Variants in PRELID3A observed in about 807,000 individuals in gnomAD.
The protein encoded by PRELID3A is PRELI domain containing protein 3A.
PRELID3A carries 27 observed loss-of-function variants against 23.0 expected under a neutral mutation model. The observed-to-expected ratio is 1.17, with a 90% CI of 0.87 to 1.62. The LOEUF (loss-of-function observed/expected upper bound fraction) is 1.62, where lower values mean the gene tolerates loss of function less well. PRELID3A is among the 40% of genes most tolerant of loss of function. PRELID3A has a pLI of 0.00. For synonymous variants in PRELID3A, 87 were observed against 86.4 expected, an observed-to-expected ratio of 1.01 and a Z score of -0.04; for missense variants, 231 against 231.4, an observed-to-expected ratio of 1.00 and a Z score of 0.01.
At chr18:12,428,743 A>G (rs2030457957) in intron 5 of PRELID3A, among the ~76,000 whole-genome samples, 1 of 152,222 alleles carries the variant, frequency 6.6e-6, no homozygotes, top group African/African-American at 2.4e-5. Context: ...GATCTCACCC[A>G]TCGTTGTTTC....
chr18:12,422,612 C>T (rs143321033), intron 3 of PRELID3A, among the ~76,000 whole-genome samples: 37 of 152,240 alleles, frequency 2.4e-4, no homozygotes, highest in African/African-American at 7.9e-4. Context: ...CCGCCTCAGC[C>T]TCCCAAAGTA....
chr18:12,426,710 A>G (rs572483261), intron 3 of PRELID3A, among the ~76,000 whole-genome samples: 1 of 152,202 alleles, frequency 6.6e-6, no homozygotes, highest in East Asian at 1.9e-4. Context: ...TGGGTAGGTG[A>G]AAAGCTTTCT....
intron 5 of PRELID3A, among the ~76,000 whole-genome samples, chr18:12,428,079 A>G (rs899220529): frequency 6.6e-6 from 1 of 152,228 alleles, no homozygotes; most frequent in Non-Finnish European, 1.5e-5. Flanking sequence ...GAACCTCTCC[A>G]GCAGTGACGC....
At chr18:12,414,182 T>G (rs2143331822) in intron 1 of PRELID3A, among the ~76,000 whole-genome samples, 1 of 151,368 alleles carries the variant, frequency 6.6e-6, no homozygotes, top group South Asian at 2.1e-4. Flanking sequence ...GGGCTTCTGG[T>G]GCACTTCTGT....
intron 2 of PRELID3A, 39 bp from the exon 3 acceptor site, chr18:12,421,501 T>G: frequency 7.8e-7 from 1 of 1,286,266 alleles, no homozygotes; most frequent in Non-Finnish European, 1.1e-6. Context: ...AAGTAGAATT[T>G]TTAACGTTCC....
rs775153295 is a variant in PRELID3A, at chr18:12,411,301, TAAAA to T, written c.32+3306_32+3309del. Among the ~76,000 whole-genome samples, 3 of 132,262 alleles carry T rather than the reference TAAAA, an allele frequency of 2.3e-5. No individual in the cohort carries two copies. The South Asian group carries it at 7.2e-4, about 32-fold the overall frequency. The allele number at this position is 132,262 out of a possible 152,430, so 86.8% of individuals were successfully genotyped here. A position where few individuals can be genotyped will look rare whatever the true frequency, so the allele number is the denominator to read the frequency against. The stretch of plus-strand genomic sequence containing the variant: ...ATGAAACCCTGTCTCTACTAAAAAA[TAAAA>T]AAAAAAAAAAATTAGCTGGGCGTGG... On this transcript the variant is annotated intron_variant, in intron 1 of 6. Transcript: ENST00000440960.
chr18:12,418,173 T>C (rs1212226059), intron 1 of PRELID3A, among the ~76,000 whole-genome samples: 2 of 152,212 alleles, frequency 1.3e-5, no homozygotes, highest in Non-Finnish European at 2.9e-5. Flanking sequence ...ATTTGGAAAT[T>C]TCATTTCTAC....
chr18:12,421,114 C>T (rs951331372), intron 2 of PRELID3A, among the ~76,000 whole-genome samples: 1 of 152,112 alleles, frequency 6.6e-6, no homozygotes, highest in East Asian at 1.9e-4. Context: ...CCTCCACCTG[C>T]AGTCCACACC....
chr18:12,429,315 G>A lies in PRELID3A; in HGVS notation c.466-35G>A, dbSNP rs761809667. 2.6e-5 allele frequency: 42 copies of A among 1,604,092 alleles called. No homozygotes were observed. In the South Asian group the frequency reaches 3.3e-4, roughly 13 times the overall value. On this transcript the variant is annotated intron_variant, in intron 5 of 6. Transcript: ENST00000440960. Reference sequence around the variant, plus strand: ...TGCTGTCTGCAGCGGGAGGCGGGACGACCCACTCAGTGCTGAAATCTTTCT... The same window carrying A: ...TGCTGTCTGCAGCGGGAGGCGGGACAACCCACTCAGTGCTGAAATCTTTCT...
At chr18:12,418,910 T>C (rs2030046087) in intron 1 of PRELID3A, among the ~76,000 whole-genome samples, 1 of 152,164 alleles carries the variant, frequency 6.6e-6, no homozygotes, top group African/African-American at 2.4e-5. Context: ...AAGGGGAGGC[T>C]GAGTGCGGTG....
chr18:12,419,964 CTGTAG>C lies in PRELID3A; in HGVS notation c.33-359_33-355del, dbSNP rs532750688. 1.2e-3 allele frequency: 353 copies of C among 296,400 alleles called. 3 individuals are homozygous for C. Among genetic ancestry groups the C allele is most frequent in the African/African-American group, 7.4e-3 (338 of 45,560 alleles). The allele number at this position is 296,400 out of a possible 1,614,324, so 18.4% of individuals were successfully genotyped here. On this transcript the variant is annotated intron_variant, in intron 1 of 6. Transcript: ENST00000440960. ...GTCATTCAGGTTTGGTGGCACACGCCTGTAGTCCCAGCTACTGGAGGTGGGGCAAG... is the reference window on the plus strand; with the variant it reads ...GTCATTCAGGTTTGGTGGCACACGCCTCCCAGCTACTGGAGGTGGGGCAAG...
chr18:12,408,872 C>T (rs774862409), intron 1 of PRELID3A, among the ~76,000 whole-genome samples: 1 of 151,958 alleles, frequency 6.6e-6, no homozygotes, highest in South Asian at 2.1e-4. Context: ...ATGCATGTAA[C>T]GAAATTGCAC....
intron 1 of PRELID3A, 111 bp from the exon 2 acceptor site, chr18:12,420,214 A>G: frequency 6.9e-7 from 1 of 1,453,802 alleles, no homozygotes; most frequent in Non-Finnish European, 9.1e-7. Flanking sequence ...GCCTTTCATT[A>G]AAGTGAAGAG....
At chr18:12,410,268 C>T (rs964043400) in intron 1 of PRELID3A, among the ~76,000 whole-genome samples, 2 of 152,244 alleles carry the variant, frequency 1.3e-5, no homozygotes, top group Non-Finnish European at 2.9e-5. Context: ...ACATGGAGAT[C>T]AGATGTCCTT....
In PRELID3A at chr18:12,414,955, G is replaced by A. The variant is rs575968233; in HGVS notation, c.33-5370G>A. ...TTTTTCTTTCTTTTTTTTAGAGACG[G>A]TCTTGCTCTGTTGCCCAGGCTGGAG... is the stretch of plus-strand genomic sequence containing the variant. On this transcript the variant is annotated intron_variant, in intron 1 of 6. Transcript: ENST00000440960. Among the ~76,000 whole-genome samples the A allele has an allele frequency of 2.6e-5, 4 of 151,898 alleles. No individual in the cohort carries two copies. The South Asian group carries it at 8.3e-4, about 32-fold the overall frequency.
Position 12,420,496 on chromosome 18 carries a change from G to C in PRELID3A, c.201+3G>C. The C allele has an allele frequency of 2.6e-6, 4 of 1,528,888 alleles. No homozygotes were observed. The highest frequency in any genetic ancestry group is 3.5e-6 in the Non-Finnish European group (4 of 1,137,036). The allele number at this position is 1,528,888 out of a possible 1,614,324, so 94.7% of individuals were successfully genotyped here. A position where few individuals can be genotyped will look rare whatever the true frequency, so the allele number is the denominator to read the frequency against. On this transcript the variant is annotated splice_donor_region_variant and intron_variant, in intron 2 of 6. Coordinates refer to ENST00000440960, the MANE Select transcript of PRELID3A (RefSeq NM_001142405.2). ...GGCTGCCCAGCCTCGTGAGAGCGGTGAGCGGGGCGGGGGCTGCGGCTCCGA... is the reference window on the plus strand; with the variant it reads ...GGCTGCCCAGCCTCGTGAGAGCGGTCAGCGGGGCGGGGGCTGCGGCTCCGA...
At chr18:12,412,045 G>C (rs568719564) in intron 1 of PRELID3A, among the ~76,000 whole-genome samples, 16 of 151,970 alleles carry the variant, frequency 1.1e-4, no homozygotes, top group South Asian at 1.0e-3. Flanking sequence ...AGAGTAGCTG[G>C]AACCACAGGC....
chr18:12,413,222 T>C (rs1202236747), intron 1 of PRELID3A, among the ~76,000 whole-genome samples: 2 of 152,312 alleles, frequency 1.3e-5, no homozygotes, highest in East Asian at 3.8e-4. Flanking sequence ...GGGTAATCGG[T>C]TGAGCTCAGG....
intron 2 of PRELID3A, among the ~76,000 whole-genome samples, chr18:12,420,917 T>C (rs2143364140): frequency 6.6e-6 from 1 of 152,072 alleles, no homozygotes; most frequent in East Asian, 1.9e-4. Flanking sequence ...GGATTAGCAC[T>C]GCCAGGCGCC....
Sources: gnomAD v4.1 joint callset for allele counts (sites outside exome capture counted in the v4.1 genomes callset) on GRCh38, gnomAD v4.1.1 for gene constraint, MANE v1.5 for transcripts, NCBI Gene and HGNC (gene_info 2026-07-23, HGNC 2026-07-21) for gene names.